HDAC9: variants seen among roughly 807,000 people sequenced by gnomAD.
The protein encoded by HDAC9 is MEF-2 interacting transcription repressor (MITR) protein.
HDAC9 carries 41 observed loss-of-function variants against 139.4 expected under a neutral mutation model. The ratio of observed to expected loss-of-function variants is 0.29; its 90% CI spans 0.23 to 0.38. The LOEUF (loss-of-function observed/expected upper bound fraction) is 0.38, where lower values mean the gene tolerates loss of function less well. Ranked by LOEUF, HDAC9 falls within the 10% of genes least tolerant of loss-of-function variation. The probability of loss-of-function intolerance (pLI) is 1.00; values close to 1 mark genes in which losing one functional copy is unlikely to be tolerated. For synonymous variants in HDAC9, 517 were observed against 476.2 expected (o/e 1.09, Z -1.12); for missense variants, 1,147 against 1,297.0 (o/e 0.88, Z 1.78).
Position 18,409,730 on chromosome 7 carries a change from A to G in HDAC9, c.-41-86532A>G, listed in dbSNP as rs919730021. 4.6e-5 allele frequency among the ~76,000 whole-genome samples: 7 copies of G among 152,362 alleles called. No individual in the cohort carries two copies. The South Asian group carries it at 8.3e-4, about 18-fold the overall frequency. On this transcript the variant is annotated intron_variant, in intron 1 of 3. Coordinates refer to the HDAC9 transcript ENST00000413509. ...ACTGTGGCTAGTGATGTGATTCCAC[A>G]TAATGAACTAAATTTTGGAAAAAGT...
chr7:18,837,640 G>T (rs781050620), intron 21 of HDAC9, among the ~76,000 whole-genome samples: 1 of 151,880 alleles, frequency 6.6e-6, no homozygotes, highest in Admixed American at 6.6e-5. Flanking sequence ...TCCATTTGGG[G>T]TACTATAGCT....
intron 5 of HDAC9, 55 bp from the exon 6 acceptor site, chr7:18,593,853 C>A: frequency 1.9e-6 from 3 of 1,596,846 alleles, no homozygotes; most frequent in Non-Finnish European, 2.6e-6. Flanking sequence ...TTATTGCTGA[C>A]CAATATGCAG....
At chr7:18,739,069 G>A (rs772545068) in intron 13 of HDAC9, among the ~76,000 whole-genome samples, 31 of 152,264 alleles carry the variant, frequency 2.0e-4, no homozygotes, top group Admixed American at 6.5e-4. Flanking sequence ...TGAAGCTTGT[G>A]CATGTGTCAT....
rs544626586 is a variant in HDAC9 at position 18,785,434 on chromosome 7, C to T, written c.2215-7911C>T. 9.2e-5 allele frequency among the ~76,000 whole-genome samples: 14 copies of T among 152,108 alleles called. No individual in the cohort carries two copies. The East Asian group carries it at 2.5e-3, about 27-fold the overall frequency. On this transcript the variant is annotated intron_variant, in intron 16 of 25. Transcript: ENST00000686413. Reference sequence around the variant, plus strand: ...ACTCAGTCATGACAACAAAAAATGTCTCCAGAAAGTGCCAAATGACCCCTT... The same window carrying T: ...ACTCAGTCATGACAACAAAAAATGTTTCCAGAAAGTGCCAAATGACCCCTT...
chr7:18,726,760 T>C (rs1785583792), intron 12 of HDAC9, among the ~76,000 whole-genome samples: 1 of 151,192 alleles, frequency 6.6e-6, no homozygotes, highest in African/African-American at 2.4e-5. Context: ...AATATATATT[T>C]TGAAATACAT....
At chr7:18,442,241 T>C (rs535052414) in intron 1 of HDAC9, among the ~76,000 whole-genome samples, 6 of 152,320 alleles carry the variant, frequency 3.9e-5, no homozygotes, top group African/African-American at 1.4e-4. Context: ...CCGGTCAACA[T>C]TGAGCATTTT....
intron 1 of HDAC9, among the ~76,000 whole-genome samples, chr7:18,416,076 C>T (rs2128748560): frequency 6.6e-6 from 1 of 152,192 alleles, no homozygotes; most frequent in East Asian, 1.9e-4. Context: ...GGCGGATCAC[C>T]TGAGGTCAGG....
intron 6 of HDAC9, among the ~76,000 whole-genome samples, chr7:18,594,919 A>T (rs1200812289): frequency 6.6e-6 from 1 of 152,098 alleles, no homozygotes; most frequent in Non-Finnish European, 1.5e-5. Context: ...ACTCAGATCT[A>T]CTTGAAGAAG....
chr7:18,940,863 C>T (rs939920310), intron 23 of HDAC9, among the ~76,000 whole-genome samples: 1 of 152,026 alleles, frequency 6.6e-6, no homozygotes, highest in African/African-American at 2.4e-5. Flanking sequence ...AAAACAAAAA[C>T]ATTGAAAAAC....
chr7:18,155,362 A>G (rs1161353151), intron 1 of HDAC9, among the ~76,000 whole-genome samples: 1 of 152,186 alleles, frequency 6.6e-6, no homozygotes, highest in Non-Finnish European at 1.5e-5. Context: ...GGCTAAGCCC[A>G]GTGTTTAAAA....
At chr7:18,352,910 G>A (rs1782960837) in intron 1 of HDAC9, among the ~76,000 whole-genome samples, 1 of 152,076 alleles carries the variant, frequency 6.6e-6, no homozygotes, top group Non-Finnish European at 1.5e-5. Context: ...ATAGGGTGTT[G>A]CAGAAGGTCA....
intron 6 of HDAC9, among the ~76,000 whole-genome samples, chr7:18,612,529 G>A (rs1584105834): frequency 6.6e-6 from 1 of 151,988 alleles, no homozygotes; most frequent in Admixed American, 6.6e-5. Flanking sequence ...GAGAACTGAG[G>A]AGTCTCACTG....
At chr7:18,976,469 C>CTGCAAAGGAGACAAGAGACTGTG (rs1476085804) in intron 25 of HDAC9, among the ~76,000 whole-genome samples, 1 of 152,152 alleles carries the variant, frequency 6.6e-6, no homozygotes, top group Non-Finnish European at 1.5e-5. Context: ...GGGAAGTTGC[C>CTGCAAAGGAGACAAGAGACTGTG]TGCAAAGGAG....
intron 22 of HDAC9, among the ~76,000 whole-genome samples, chr7:18,929,813 G>A (rs1393995837): frequency 2.6e-5 from 4 of 151,956 alleles, no homozygotes; most frequent in South Asian, 2.1e-4. Flanking sequence ...GGTGGTGCAC[G>A]CCTGTAGTCC....
rs141632295 is a variant in HDAC9, at chr7:18,945,521, T to G, written c.2938-8625T>G. On this transcript the variant is annotated intron_variant, in intron 23 of 25. Coordinates refer to ENST00000686413, the MANE Select transcript of HDAC9 (RefSeq NM_178425.4). The stretch of plus-strand genomic sequence containing the variant: ...AATTTATCAATCTTTTCCTGTAGGA[T>G]TGGTTCTTTTTGTAATCTGTTTAAG... Among the ~76,000 whole-genome samples the G allele has an allele frequency of 1.6e-4, 24 of 152,324 alleles. No individual in the cohort carries two copies. The East Asian group carries it at 4.4e-3, about 28-fold the overall frequency.
chr7:18,824,017 G>GGAA (rs1294598400), intron 17 of HDAC9, among the ~76,000 whole-genome samples: 5 of 81,794 alleles, frequency 6.1e-5, no homozygotes, highest in African/African-American at 2.2e-4. Context: ...AATGGGAAGG[G>GGAA]GAAGAAGAGG....
intron 2 of HDAC9, among the ~76,000 whole-genome samples, chr7:18,216,129 TGAGAGAGAGA>T (rs59712565): frequency 7.0e-6 from 1 of 143,658 alleles, no homozygotes; most frequent in African/African-American, 2.6e-5. Context: ...TGTGTGTGTG[TGAGAGAGAGA>T]GAGAGAGAGA....
intron 2 of HDAC9, among the ~76,000 whole-genome samples, chr7:18,559,115 G>A (rs1275864431): frequency 1.3e-5 from 2 of 152,160 alleles, no homozygotes; most frequent in Non-Finnish European, 2.9e-5. Flanking sequence ...AGCATCCCCC[G>A]ACTGACAAGT....
At chr7:18,172,669 T>G (rs1333817972) in intron 2 of HDAC9, among the ~76,000 whole-genome samples, 1 of 152,248 alleles carries the variant, frequency 6.6e-6, no homozygotes, top group Admixed American at 6.5e-5. Flanking sequence ...CTCACTGGTT[T>G]CAAAGAACAT....
Sources: allele counts gnomAD v4.1 joint callset (sites outside exome capture counted in the v4.1 genomes callset), GRCh38; gene constraint gnomAD v4.1.1; transcripts MANE v1.5; gene names NCBI Gene and HGNC (gene_info 2026-07-23, HGNC 2026-07-21).